The following TOR4A variants were observed in gnomAD, a reference collection of about 807,000 sequenced individuals.
The protein encoded by TOR4A is torsin-4A.
A neutral mutation model predicts 11.5 loss-of-function variants in TOR4A; 12 were observed. The observed-to-expected ratio is 1.04, with a 90% CI of 0.67 to 1.69. The LOEUF is 1.69. Ranked by LOEUF, TOR4A falls within the 40% of genes most tolerant of loss-of-function variation. The pLI, the probability that TOR4A is intolerant of heterozygous loss-of-function variation, is 0.00. For missense variants in TOR4A, 640 were observed against 643.2 expected (o/e 0.99, Z 0.05); for synonymous variants, 362 against 307.4 (o/e 1.18, Z -1.86).
In TOR4A at chr9:137,278,956, G is replaced by A; in HGVS notation, c.267G>A (p.Thr89=). Residue 89 remains threonine (T), a synonymous_variant, in exon 2 of 2, where the codon ACG becomes ACA. Coordinates refer to ENST00000357503, the MANE Select transcript of TOR4A (RefSeq NM_017723.3). ...GCCCCGCGGAGCTACCCTCCAGGAC[G>A]CCACGCAAGAAGCGCCGGCGCAGCC... ...FDSPAELPSR[T]PRKKRRRSRL... is the part of the protein sequence containing the mutation. The A allele has an allele frequency of 1.2e-6, 2 of 1,604,210 alleles. No individual in the cohort carries two copies. Among genetic ancestry groups the A allele is most frequent in the Non-Finnish European group, 1.7e-6 (2 of 1,177,986 alleles).
At position 137,279,313 on chromosome 9, in the gene TOR4A, G is replaced by T; in HGVS notation, c.624G>T (p.Ala208=). Residue 208 remains alanine (A), a synonymous_variant, in exon 2 of 2, where the codon GCG becomes GCT. Coordinates refer to ENST00000357503, the MANE Select transcript of TOR4A (RefSeq NM_017723.3). ...AGAGCCACGTGGGCCGCCTGCTGGCGCGCCACTTCCGCTCGGTGCTGGAGG... is the reference window on the plus strand; with the variant it reads ...AGAGCCACGTGGGCCGCCTGCTGGCTCGCCACTTCCGCTCGGTGCTGGAGG... ...VGKSHVGRLL[A]RHFRSVLEDS... 6.5e-7 allele frequency: 1 copy of T among 1,534,362 alleles called. No homozygotes were observed. Among genetic ancestry groups the T allele is most frequent in the African/African-American group, 1.4e-5 (1 of 73,058 alleles).
Position 137,280,185 on chromosome 9 carries a change from C to T in TOR4A, c.*224C>T, listed in dbSNP as rs1830698260. ...GCAGCCACCTCCCTCCCAAACTTGCCCATTGCCCTGCTGGGCGTCCCAGGC... is the reference window on the plus strand; with the variant it reads ...GCAGCCACCTCCCTCCCAAACTTGCTCATTGCCCTGCTGGGCGTCCCAGGC... On this transcript the variant is annotated 3_prime_UTR_variant, in exon 2 of 2. Coordinates refer to ENST00000357503, the MANE Select transcript of TOR4A (RefSeq NM_017723.3). 2 of 610,066 alleles carry T rather than the reference C, an allele frequency of 3.3e-6. No homozygotes were observed. Among genetic ancestry groups the T allele is most frequent in the Non-Finnish European group, 5.9e-6 (2 of 340,572 alleles). 37.8% of individuals were successfully genotyped at this position (610,066 alleles called of 1,614,324 possible). A position where few individuals can be genotyped will look rare whatever the true frequency, so the allele number is the denominator to read the frequency against.
intron 1 of TOR4A, among the ~76,000 whole-genome samples, 200 bp from the exon 2 acceptor site, chr9:137,278,453 G>C (rs1199245247): frequency 6.7e-6 from 1 of 150,184 alleles, no homozygotes; most frequent in Non-Finnish European, 1.5e-5. Flanking sequence ...CCCTGCGGAG[G>C]GGCGGAGGGG....
chr9:137,278,710 C>T lies in TOR4A; in HGVS notation c.21C>T (p.Ser7=), dbSNP rs751067194. The T allele has an allele frequency of 2.2e-6, 3 of 1,376,932 alleles. No homozygotes were observed. Among genetic ancestry groups the T allele is most frequent in the Non-Finnish European group, 2.8e-6 (3 of 1,072,494 alleles). 85.3% of individuals were successfully genotyped at this position (1,376,932 alleles called of 1,614,324 possible). MDRGQP[S]LEPAAAAPRA... is the part of the protein sequence containing the mutation. ...GCGACATGGACCGCGGCCAGCCCAG[C>T]CTGGAGCCTGCTGCCGCGGCCCCCC... Residue 7 remains serine, a synonymous_variant, in exon 2 of 2, where the codon AGC becomes AGT. Transcript: ENST00000357503.
rs1212371906 is a variant in TOR4A at position 137,282,267 on chromosome 9, C to G, written c.*2306C>G. ...CCAGGCTGGAGTGCAATGACACGATCTCGGTTCACTGCAACCTCTGCCTCC... is the reference window on the plus strand; with the variant it reads ...CCAGGCTGGAGTGCAATGACACGATGTCGGTTCACTGCAACCTCTGCCTCC... On this transcript the variant is annotated 3_prime_UTR_variant, in exon 2 of 2. Coordinates refer to ENST00000357503, the MANE Select transcript of TOR4A (RefSeq NM_017723.3). 1 of 163,648 alleles carries G rather than the reference C, an allele frequency of 6.1e-6. No homozygotes were observed. Among genetic ancestry groups the G allele is most frequent in the East Asian group, 1.9e-4 (1 of 5,196 alleles). The allele number at this position is 163,648 out of a possible 1,614,324, so 10.1% of individuals were successfully genotyped here. A position where few individuals can be genotyped will look rare whatever the true frequency, so the allele number is the denominator to read the frequency against.
At position 137,279,634 on chromosome 9, in the gene TOR4A, G is replaced by A. The variant is rs752761528; in HGVS notation, c.945G>A (p.Ala315=). The A allele has an allele frequency of 1.3e-5, 21 of 1,560,074 alleles. No individual in the cohort carries two copies. The highest frequency in any genetic ancestry group is 1.6e-5 in the Non-Finnish European group (18 of 1,158,004). ...AEVTRFVLQN[A]SRALPLRPDG... is the part of the protein sequence containing the mutation. Reference sequence around the variant, plus strand: ...TCACGCGCTTCGTGCTGCAGAACGCGTCCCGCGCGCTGCCCCTGCGCCCCG... The same window carrying A: ...TCACGCGCTTCGTGCTGCAGAACGCATCCCGCGCGCTGCCCCTGCGCCCCG... Residue 315 remains alanine (A), a synonymous_variant, in exon 2 of 2, where the codon GCG becomes GCA. Coordinates refer to ENST00000357503, the MANE Select transcript of TOR4A (RefSeq NM_017723.3).
intron 1 of TOR4A, among the ~76,000 whole-genome samples, 178 bp downstream of exon 1, chr9:137,278,085 G>A (rs1830665539): frequency 1.3e-5 from 2 of 152,212 alleles, no homozygotes; most frequent in African/African-American, 4.8e-5. Context: ...TTTTGGAGTC[G>A]GGGCTGGGAG....
In TOR4A at chr9:137,278,701, C is replaced by G; in HGVS notation, c.12C>G (p.Gly4=). MDR[G]QPSLEPAAAA... The stretch of plus-strand genomic sequence containing the variant: ...GCCGTTCCTGCGACATGGACCGCGG[C>G]CAGCCCAGCCTGGAGCCTGCTGCCG... Residue 4 remains glycine (G), a synonymous_variant, in exon 2 of 2, where the codon GGC becomes GGG. Coordinates refer to ENST00000357503, the MANE Select transcript of TOR4A (RefSeq NM_017723.3). 1 of 1,350,854 alleles carries G rather than the reference C, an allele frequency of 7.4e-7. No homozygotes were observed. The allele number at this position is 1,350,854 out of a possible 1,614,324, so 83.7% of individuals were successfully genotyped here. A position where few individuals can be genotyped will look rare whatever the true frequency, so the allele number is the denominator to read the frequency against.
In TOR4A at chr9:137,282,630, G is replaced by C. The variant is rs1312419711; in HGVS notation, c.*2669G>C. The C allele has an allele frequency of 6.0e-6, 1 of 167,082 alleles. No homozygotes were observed. The highest frequency in any genetic ancestry group is 1.5e-5 in the Non-Finnish European group (1 of 68,130). The allele number at this position is 167,082 out of a possible 1,614,324, so 10.3% of individuals were successfully genotyped here. A position where few individuals can be genotyped will look rare whatever the true frequency, so the allele number is the denominator to read the frequency against. ...ATCATGCTTGTTAATAAATTGTGTG[G>C]TTCAAATCTGACGACCTACTGTTTG... On this transcript the variant is annotated 3_prime_UTR_variant, in exon 2 of 2. Transcript: ENST00000357503.
Position 137,279,369 on chromosome 9 carries a change from G to A in TOR4A, c.680G>A (p.Arg227Gln). Reference sequence around the variant, plus strand: ...GCGCTCGTGCTGCAATACCATGCGCGGCACCACTGCCCCGAGGCGCGCGCC... The same window carrying A: ...GCGCTCGTGCTGCAATACCATGCGCAGCACCACTGCCCCGAGGCGCGCGCC... ...DSALVLQYHA[R>Q]HHCPEARAAQ... Residue 227 changes from arginine to glutamine, a missense_variant, in exon 2 of 2, where the codon CGG (arginine) becomes CAG (glutamine). Physicochemically the swap from Arg to Gln is conservative, Grantham distance 43. Transcript: ENST00000357503. 3 of 1,525,496 alleles carry A rather than the reference G, an allele frequency of 2.0e-6. No individual in the cohort carries two copies. The highest frequency in any genetic ancestry group is 2.5e-5 in the East Asian group (1 of 40,468). The allele number at this position is 1,525,496 out of a possible 1,614,324, so 94.5% of individuals were successfully genotyped here.
At position 137,279,169 on chromosome 9, in the gene TOR4A, G is replaced by A. The variant is rs1195389435; in HGVS notation, c.480G>A (p.Ala160=). 1.3e-6 allele frequency: 2 copies of A among 1,561,818 alleles called. No homozygotes were observed. The highest frequency in any genetic ancestry group is 1.2e-5 in the South Asian group (1 of 85,268). ...LDGLEKALQR[A]VFGQPAAVSR... The stretch of plus-strand genomic sequence containing the variant: ...GGCTGGAGAAAGCGCTGCAGCGCGC[G>A]GTGTTCGGCCAGCCCGCTGCCGTAT... The change falls in exon 2 of 2, where the codon GCG becomes GCA. Residue 160 remains alanine (A), a synonymous_variant. Coordinates refer to ENST00000357503, the MANE Select transcript of TOR4A (RefSeq NM_017723.3).
chr9:137,279,688 G>C lies in TOR4A; in HGVS notation c.999G>C (p.Ala333=), dbSNP rs765429520. 6.4e-7 allele frequency: 1 copy of C among 1,567,916 alleles called. No homozygotes were observed. The highest frequency in any genetic ancestry group is 1.1e-5 in the South Asian group (1 of 87,974). Residue 333 remains alanine (A), a synonymous_variant, in exon 2 of 2, where the codon GCG becomes GCC. Transcript: ENST00000357503. ...PDGFRSAEAA[A]AQAEEDLRAS... ...GCTTCCGCAGTGCCGAGGCCGCAGC[G>C]GCGCAGGCGGAAGAAGACCTGCGCG... is the stretch of plus-strand genomic sequence containing the variant.
Position 137,280,139 on chromosome 9 carries a change from G to A in TOR4A, c.*178G>A. The A allele has an allele frequency of 2.7e-6, 2 of 732,970 alleles. No individual in the cohort carries two copies. The highest frequency in any genetic ancestry group is 2.7e-5 in the East Asian group (1 of 36,522). 45.4% of individuals were successfully genotyped at this position (732,970 alleles called of 1,614,324 possible). A position where few individuals can be genotyped will look rare whatever the true frequency, so the allele number is the denominator to read the frequency against. On this transcript the variant is annotated 3_prime_UTR_variant, in exon 2 of 2. Transcript: ENST00000357503. ...ACACCCGCCTCAGAGTCCGGAGTCT[G>A]TCCCTGGGGGCGGCAGGACAGCAGC...
Position 137,280,366 on chromosome 9 carries a change from T to G in TOR4A, c.*405T>G. On this transcript the variant is annotated 3_prime_UTR_variant, in exon 2 of 2. Coordinates refer to ENST00000357503, the MANE Select transcript of TOR4A (RefSeq NM_017723.3). ...GCTCAGTGCTGAAGTGGGGTTCTCA[T>G]TCCGGCCCCCCTGGAGATGACCCCG... 2.4e-5 allele frequency: 5 copies of G among 205,008 alleles called. No individual in the cohort carries two copies. Among genetic ancestry groups the G allele is most frequent in the African/African-American group, 2.3e-5 (1 of 42,972 alleles). The allele number at this position is 205,008 out of a possible 1,614,324, so 12.7% of individuals were successfully genotyped here.
Position 137,282,626 on chromosome 9 carries a change from T to C in TOR4A, c.*2665T>C, listed in dbSNP as rs1830733582. On this transcript the variant is annotated 3_prime_UTR_variant, in exon 2 of 2. Coordinates refer to ENST00000357503, the MANE Select transcript of TOR4A (RefSeq NM_017723.3). Reference sequence around the variant, plus strand: ...ACAAATCATGCTTGTTAATAAATTGTGTGGTTCAAATCTGACGACCTACTG... The same window carrying C: ...ACAAATCATGCTTGTTAATAAATTGCGTGGTTCAAATCTGACGACCTACTG... 1 of 167,084 alleles carries C rather than the reference T, an allele frequency of 6.0e-6. No homozygotes were observed. Among genetic ancestry groups the C allele is most frequent in the Non-Finnish European group, 1.5e-5 (1 of 68,126 alleles). 10.4% of individuals were successfully genotyped at this position (167,084 alleles called of 1,614,324 possible).
rs1329988735 is a variant in TOR4A, at chr9:137,279,008, C to T, written c.319C>T (p.Arg107Cys). 1.2e-6 allele frequency: 2 copies of T among 1,606,244 alleles called. No homozygotes were observed. Among genetic ancestry groups the T allele is most frequent in the African/African-American group, 1.3e-5 (1 of 74,884 alleles). Residue 107 changes from arginine to cysteine, a missense_variant, in exon 2 of 2, where the codon CGC becomes TGC. Transcript: ENST00000357503. ...CCTGGTGCTTTACCCGGAGACCTCG[C>T]GCAAGTATCGGCCGCGCGTGGAGCA... ...SRLVLYPETS[R>C]KYRPRVEHRS...
Position 137,280,512 on chromosome 9 carries a change from AG to A in TOR4A, c.*555del, listed in dbSNP as rs1830702691. ...GCTGGAGTGTCTTGACAGTAAGGGG[AG>A]GGGAGCGGAGGCGGAGGCGCCTCAG... On this transcript the variant is annotated 3_prime_UTR_variant, in exon 2 of 2. Coordinates refer to ENST00000357503, the MANE Select transcript of TOR4A (RefSeq NM_017723.3). 6.0e-6 allele frequency: 1 copy of A among 166,468 alleles called. No individual in the cohort carries two copies. Among genetic ancestry groups the A allele is most frequent in the Admixed American group, 6.6e-5 (1 of 15,244 alleles). 10.3% of individuals were successfully genotyped at this position (166,468 alleles called of 1,614,324 possible). A position where few individuals can be genotyped will look rare whatever the true frequency, so the allele number is the denominator to read the frequency against.
Position 137,277,805 on chromosome 9 carries a change from C to CA in TOR4A, c.-139dup, listed in dbSNP as rs1219800831. 1 of 152,330 alleles carries CA rather than the reference C, an allele frequency of 6.6e-6. No individual in the cohort carries two copies. The highest frequency in any genetic ancestry group is 2.4e-5 in the African/African-American group (1 of 41,478). The allele number at this position is 152,330 out of a possible 1,614,324, so 9.4% of individuals were successfully genotyped here. ...AAGCTGGCCCAGGAGGCCCCTGGCCCACCCCCTCGCCCTGGGAGGCGCATT... is the reference window on the plus strand; with the variant it reads ...AAGCTGGCCCAGGAGGCCCCTGGCCCAACCCCCTCGCCCTGGGAGGCGCATT... On this transcript the variant is annotated 5_prime_UTR_variant, in exon 1 of 2. Coordinates refer to ENST00000357503, the MANE Select transcript of TOR4A (RefSeq NM_017723.3).
rs1420445340 is a variant in TOR4A at position 137,279,762 on chromosome 9, C to T, written c.1073C>T (p.Ala358Val). 25 of 1,584,382 alleles carry T rather than the reference C, an allele frequency of 1.6e-5. No homozygotes were observed. Among genetic ancestry groups the T allele is most frequent in the Non-Finnish European group, 2.1e-5 (25 of 1,173,044 alleles). Reference protein sequence around the residue: ...LSREHPLWQAAAIVPFLLLDK... With the variant: ...LSREHPLWQAVAIVPFLLLDK... ...CGGGAGCATCCGCTGTGGCAGGCCG[C>T]GGCCATCGTGCCGTTTCTGCTGCTG... The change falls in exon 2 of 2, where the codon GCG becomes GTG. Residue 358 changes from alanine (A) to valine (V), a missense_variant. Transcript: ENST00000357503.
Sources: gnomAD v4.1 joint callset for allele counts (sites outside exome capture counted in the v4.1 genomes callset) on GRCh38, gnomAD v4.1.1 for gene constraint, MANE v1.5 for transcripts, NCBI Gene and HGNC (gene_info 2026-07-23, HGNC 2026-07-21) for gene names.